The following MADD variants were observed in gnomAD, a reference collection of about 807,000 sequenced individuals.
MADD encodes MAP kinase-activating death domain protein.
In MADD, 109 loss-of-function variants were observed where a neutral mutation model predicts 176.7. That is an observed-to-expected ratio of 0.62 (90% CI 0.53 to 0.72). MADD has a LOEUF of 0.72. MADD is among the 30% of genes least tolerant of loss of function. MADD has a pLI of 0.00. For missense variants in MADD, 1,914 were observed against 2,045.5 expected, an observed-to-expected ratio of 0.94 and a Z score of 1.24; for synonymous variants, 771 against 771.3, an observed-to-expected ratio of 1.00 and a Z score of 0.01.
chr11:47,296,263 C>T (rs921015551), intron 22 of MADD, among the ~76,000 whole-genome samples: 4 of 152,120 alleles, frequency 2.6e-5, no homozygotes, highest in African/African-American at 9.7e-5. Context: ...GAACCCTCTC[C>T]TGAATCATTG....
Position 47,315,854 on chromosome 11 carries a change from C to CA in MADD, c.4197+528dup, listed in dbSNP as rs2092696765. ...TTTCTTTTTTTTTTTTTTTTTGAGA[C>CA]AGAGTATCGCTCTGTCACCCAGGCT... On this transcript the variant is annotated intron_variant, in intron 27 of 32. Transcript: ENST00000402192. 5.9e-5 allele frequency among the ~76,000 whole-genome samples: 7 copies of CA among 118,828 alleles called. No homozygotes were observed. In the East Asian group the frequency reaches 7.5e-4, roughly 13 times the overall value. 78.0% of individuals were successfully genotyped at this position (118,828 alleles called of 152,430 possible).
At chr11:47,328,899 A>C in intron 32 of MADD, 147 bp from the exon 37 acceptor site, 1 of 938,638 alleles carries the variant, frequency 1.1e-6, no homozygotes, top group Non-Finnish European at 1.7e-6. Context: ...CCCCTCTCCC[A>C]TGGGGACAGC....
intron 31 of MADD, 27 bp from the exon 36 acceptor site, chr11:47,328,631 T>C: frequency 3.1e-6 from 5 of 1,614,124 alleles, no homozygotes; most frequent in Non-Finnish European, 4.2e-6. Flanking sequence ...GAACTTTCTG[T>C]TTTGTCTCTT....
At chr11:47,274,470 A>G (rs965760687) in intron 2 of MADD, 93 bp from the exon 3 acceptor site, 16 of 1,063,194 alleles carry the variant, frequency 1.5e-5, no homozygotes, top group Non-Finnish European at 2.0e-5. Flanking sequence ...TTTATCCAAA[A>G]TAGCATCTTG....
intron 28 of MADD, 49 bp from the exon 32 acceptor site, chr11:47,324,216 G>A (rs1469001446): frequency 3.8e-6 from 6 of 1,560,884 alleles, no homozygotes; most frequent in Admixed American, 1.7e-5. Context: ...AGTGGGTGGG[G>A]AACCCTGGAC....
intron 20 of MADD, among the ~76,000 whole-genome samples, chr11:47,295,281 G>A (rs2070247024): frequency 6.6e-6 from 1 of 152,142 alleles, no homozygotes; most frequent in African/African-American, 2.4e-5. Flanking sequence ...CAAAGTGCTA[G>A]GACTACAGGC....
intron 31 of MADD, chr11:47,327,143 C>T (rs1250831064): frequency 2.8e-5 from 30 of 1,071,024 alleles, no homozygotes; most frequent in Non-Finnish European, 3.4e-5. Flanking sequence ...GACCCCCAAG[C>T]TCCACTATGT....
rs780372261 is a variant in MADD, at chr11:47,278,151, T to C, written c.1096-14T>C. On this transcript the variant is annotated splice_polypyrimidine_tract_variant and intron_variant, in intron 5 of 32. Transcript: ENST00000402192. ...TTTTGTCTTTGTTTCTCACCTTCTT[T>C]ATCATTTCCACAGCTGCTGTTGGCT... is the stretch of plus-strand genomic sequence containing the variant. 43 of 1,577,516 alleles carry C rather than the reference T, an allele frequency of 2.7e-5. No homozygotes were observed. Among genetic ancestry groups the C allele is most frequent in the Non-Finnish European group, 3.7e-5 (43 of 1,146,914 alleles).
At chr11:47,274,851 T>C (rs1254606112) in exon 3 of MADD, 1 of 1,614,176 alleles carries the variant, frequency 6.2e-7, no homozygotes, top group Non-Finnish European at 8.5e-7. Context: ...CAGGGTCCCG[T>C]GGGAAGGAAG....
At position 47,275,881 on chromosome 11, in the gene MADD, C is replaced by T. The variant is rs759399297; in HGVS notation, c.660-18C>T. ...CTTCTGATGCTAATGTGTCTGATTC[C>T]TGCTGTCTGCTTCTCAGGGACACCA... On this transcript the variant is annotated intron_variant, in intron 3 of 32. Coordinates refer to ENST00000402192, the Ensembl canonical transcript of MADD. The T allele has an allele frequency of 1.3e-6, 2 of 1,592,670 alleles. No individual in the cohort carries two copies. The highest frequency in any genetic ancestry group is 2.3e-5 in the South Asian group (2 of 88,868).
chr11:47,315,573 C>T (rs920397054), intron 27 of MADD, among the ~76,000 whole-genome samples: 4 of 151,744 alleles, frequency 2.6e-5, no homozygotes, highest in African/African-American at 4.8e-5. Flanking sequence ...CTCCCGGGTT[C>T]AAGCAGTTCT....
At chr11:47,318,172 C>G (rs1565544861) in intron 27 of MADD, among the ~76,000 whole-genome samples, 1 of 152,080 alleles carries the variant, frequency 6.6e-6, no homozygotes, top group Non-Finnish European at 1.5e-5. Context: ...AGGAAATTGG[C>G]CGTGTTTTCT....
intron 31 of MADD, chr11:47,328,142 T>C: frequency 9.8e-7 from 1 of 1,015,654 alleles, no homozygotes; most frequent in South Asian, 4.0e-5. Context: ...ATGTTACCTC[T>C]TCATCCAGCC....
At chr11:47,275,060 C>T (rs1487875618) in exon 3 of MADD, 2 of 1,614,156 alleles carry the variant, frequency 1.2e-6, no homozygotes, top group African/African-American at 1.3e-5. Context: ...CCTTTCTTCT[C>T]CACCTTCCGA....
Position 47,284,938 on chromosome 11 carries a change from TA to T in MADD, c.2158-2del. The T allele has an allele frequency of 6.2e-7, 1 of 1,613,440 alleles. No individual in the cohort carries two copies. Among genetic ancestry groups the T allele is most frequent in the Non-Finnish European group, 8.5e-7 (1 of 1,179,898 alleles). ...ACCACTTTTAATTTCATGCGGCCTTTAGGAACCTGCTGACTCTACGGAGATG... is the reference window on the plus strand; with the variant it reads ...ACCACTTTTAATTTCATGCGGCCTTTGGAACCTGCTGACTCTACGGAGATG... On this transcript the variant is annotated splice_acceptor_variant, in intron 12 of 32. Coordinates refer to ENST00000402192, the Ensembl canonical transcript of MADD. LOFTEE classifies it high-confidence loss of function.
intron 19 of MADD, among the ~76,000 whole-genome samples, chr11:47,291,978 G>A (rs1256504186): frequency 6.6e-6 from 1 of 152,238 alleles, no homozygotes; most frequent in Non-Finnish European, 1.5e-5. Flanking sequence ...GCAGGTAGGG[G>A]TGAGTTGGTT....
chr11:47,299,584 G>GTTTTTT (rs1565442765), intron 22 of MADD, among the ~76,000 whole-genome samples: 1 of 65,234 alleles, frequency 1.5e-5, no homozygotes. Flanking sequence ...AGATTTTAGG[G>GTTTTTT]CTTTTTTTTT....
chr11:47,283,520 G>A (rs1396002971), intron 10 of MADD, among the ~76,000 whole-genome samples: 6 of 152,068 alleles, frequency 3.9e-5, no homozygotes, highest in East Asian at 1.9e-4. Flanking sequence ...TCCTGCCTCC[G>A]CCTCCCAAGT....
At chr11:47,324,072 A>C (rs985432494) in intron 28 of MADD, 193 bp from the exon 32 acceptor site, 3 of 645,452 alleles carry the variant, frequency 4.6e-6, no homozygotes, top group Non-Finnish European at 8.2e-6. Flanking sequence ...GCCTTCTTTA[A>C]AGCCATACTA....
Sources: gnomAD v4.1 joint callset for allele counts (sites outside exome capture counted in the v4.1 genomes callset) on GRCh38, gnomAD v4.1.1 for gene constraint, MANE v1.5 for transcripts, NCBI Gene and HGNC (gene_info 2026-07-23, HGNC 2026-07-21) for gene names.